Variants in PCDH9 observed in about 807,000 individuals in gnomAD.
PCDH9 encodes protocadherin-9.
Under a neutral mutation model 70.6 loss-of-function variants are expected in PCDH9, and 24 were observed. The ratio of observed to expected loss-of-function variants is 0.34; its 90% CI spans 0.25 to 0.48. PCDH9 has a LOEUF of 0.48. Ranked by LOEUF, PCDH9 falls within the 20% of genes least tolerant of loss-of-function variation. PCDH9 has a pLI of 0.99. For missense variants in PCDH9, 1,281 were observed against 1,503.6 expected (o/e 0.85, Z 2.45); for synonymous variants, 562 against 558.5 (o/e 1.01, Z -0.09).
Position 67,167,504 on chromosome 13 carries a change from C to A in PCDH9, c.3036+57901G>T, listed in dbSNP as rs979650256. Among the ~76,000 whole-genome samples the A allele has an allele frequency of 3.3e-5, 5 of 152,084 alleles. No homozygotes were observed. In the East Asian group the frequency reaches 7.7e-4, roughly 23 times the overall value. On this transcript the variant is annotated intron_variant, in intron 2 of 4. Transcript: ENST00000377865. ...AAAGTTTGATGAAGCCACTTTTCAT[C>A]AAACTTTTCCTTAACCATAGAAAAG...
intron 2 of PCDH9, among the ~76,000 whole-genome samples, chr13:67,087,849 T>C (rs1011683240): frequency 6.6e-6 from 1 of 152,132 alleles, no homozygotes; most frequent in Non-Finnish European, 1.5e-5. Context: ...GGATCATGCA[T>C]GAAATACAGC....
chr13:66,395,983 C>A (rs935531600), intron 4 of PCDH9, among the ~76,000 whole-genome samples: 4 of 152,250 alleles, frequency 2.6e-5, no homozygotes, highest in African/African-American at 9.6e-5. Flanking sequence ...AAAAGTATTT[C>A]TTTCCTCAAA....
chr13:66,750,102 C>A (rs754965420), intron 3 of PCDH9, among the ~76,000 whole-genome samples: 1 of 152,028 alleles, frequency 6.6e-6, no homozygotes, highest in East Asian at 1.9e-4. Context: ...TGTGCACACA[C>A]ACACACAATA....
In PCDH9 at chr13:67,211,826, C is replaced by T. The variant is rs1251439137; in HGVS notation, c.3036+13579G>A. 5 of 152,110 alleles carry T rather than the reference C, an allele frequency of 3.3e-5. No individual in the cohort carries two copies. In the East Asian group the frequency reaches 9.6e-4, roughly 29 times the overall value. The allele number at this position is 152,110 out of a possible 1,614,324, so 9.4% of individuals were successfully genotyped here. ...AGCCAATTAAACCAAACATTTATTCCAGCCAGAATTTAATATCTATGTTCC... is the reference window on the plus strand; with the variant it reads ...AGCCAATTAAACCAAACATTTATTCTAGCCAGAATTTAATATCTATGTTCC... On this transcript the variant is annotated intron_variant, in intron 2 of 4. Coordinates refer to ENST00000377865, the MANE Select transcript of PCDH9 (RefSeq NM_203487.3).
At chr13:66,345,376 T>A (rs955394647) in intron 4 of PCDH9, among the ~76,000 whole-genome samples, 4 of 152,108 alleles carry the variant, frequency 2.6e-5, no homozygotes, top group Non-Finnish European at 5.9e-5. Context: ...TGAGGTAATT[T>A]TTTTTTCCAG....
chr13:67,157,679 T>A (rs1397628010), intron 2 of PCDH9, among the ~76,000 whole-genome samples: 1 of 152,150 alleles, frequency 6.6e-6, no homozygotes, highest in Non-Finnish European at 1.5e-5. Flanking sequence ...ATGAAAAAAA[T>A]ACATGTGAGT....
chr13:66,987,404 T>A lies in PCDH9; in HGVS notation c.3037-83799A>T, dbSNP rs899142046. On this transcript the variant is annotated intron_variant, in intron 2 of 4. Transcript: ENST00000377865. The stretch of plus-strand genomic sequence containing the variant: ...CATTACATTACTGCTTAATAGCACA[T>A]GCTGTTGATACATTAATTGTGTTAT... Among the ~76,000 whole-genome samples the A allele has an allele frequency of 4.6e-5, 7 of 152,210 alleles. No individual in the cohort carries two copies. The East Asian group carries it at 1.3e-3, about 29-fold the overall frequency.
At chr13:66,549,812 G>T (rs547908205) in intron 4 of PCDH9, among the ~76,000 whole-genome samples, 1 of 152,022 alleles carries the variant, frequency 6.6e-6, no homozygotes, top group Non-Finnish European at 1.5e-5. Context: ...TTGAGTCCAG[G>T]AGTTCCAGCC....
At chr13:66,612,096 C>T (rs1032596652) in intron 4 of PCDH9, among the ~76,000 whole-genome samples, 1 of 152,186 alleles carries the variant, frequency 6.6e-6, no homozygotes, top group Non-Finnish European at 1.5e-5. Flanking sequence ...TCTCCCTCTC[C>T]TAACCTCATT....
intron 4 of PCDH9, among the ~76,000 whole-genome samples, chr13:66,351,432 C>T (rs1460132174): frequency 2.0e-5 from 3 of 151,986 alleles, no homozygotes; most frequent in Non-Finnish European, 2.9e-5. Flanking sequence ...TTGTATATTT[C>T]GAGTAAGTAA....
intron 3 of PCDH9, among the ~76,000 whole-genome samples, chr13:66,890,202 C>T (rs2082072750): frequency 6.6e-6 from 1 of 152,026 alleles, no homozygotes. Context: ...TTTTCTCTTC[C>T]TGCATAGCAT....
chr13:66,321,812 A>G (rs1200811181), intron 4 of PCDH9, among the ~76,000 whole-genome samples: 1 of 151,850 alleles, frequency 6.6e-6, no homozygotes, highest in Non-Finnish European at 1.5e-5. Flanking sequence ...AGGTTGCTTG[A>G]AGTTTCTTCT....
At chr13:66,801,720 T>TA (rs1013951573) in intron 3 of PCDH9, among the ~76,000 whole-genome samples, 1 of 152,054 alleles carries the variant, frequency 6.6e-6, no homozygotes, top group African/African-American at 2.4e-5. Context: ...TTTGGTTATT[T>TA]AAAAAATATT....
intron 2 of PCDH9, among the ~76,000 whole-genome samples, chr13:66,966,462 T>A (rs1490676316): frequency 6.6e-6 from 1 of 152,112 alleles, no homozygotes; most frequent in Non-Finnish European, 1.5e-5. Flanking sequence ...TCTGTAATGA[T>A]AGACCCTCAG....
At chr13:67,201,579 C>A (rs1359770377) in intron 2 of PCDH9, 2 of 151,902 alleles carry the variant, frequency 1.3e-5, no homozygotes, top group Admixed American at 1.3e-4. Flanking sequence ...CATATTTCAA[C>A]ATTATTTTGG....
chr13:67,087,069 G>A (rs1157213609), intron 2 of PCDH9, among the ~76,000 whole-genome samples: 1 of 122,934 alleles, frequency 8.1e-6, no homozygotes, highest in Non-Finnish European at 1.7e-5. Context: ...CCATCAAGAA[G>A]AGAGTTTTGA....
At chr13:67,024,145 T>C (rs2084733009) in intron 2 of PCDH9, among the ~76,000 whole-genome samples, 1 of 152,180 alleles carries the variant, frequency 6.6e-6, no homozygotes, top group Admixed American at 6.6e-5. Flanking sequence ...CTGATCTGGG[T>C]ATTTTACCTA....
chr13:67,077,033 T>C (rs754018315), intron 2 of PCDH9, among the ~76,000 whole-genome samples: 1 of 152,186 alleles, frequency 6.6e-6, no homozygotes, highest in Non-Finnish European at 1.5e-5. Flanking sequence ...TAAGGTTGCC[T>C]TGTTTCTGAA....
chr13:66,593,717 C>T (rs984694120), intron 4 of PCDH9, among the ~76,000 whole-genome samples: 1 of 151,732 alleles, frequency 6.6e-6, no homozygotes, highest in East Asian at 1.9e-4. Flanking sequence ...AGGGGAAAAT[C>T]TTTGCTTTTG....
Sources: allele counts gnomAD v4.1 joint callset (sites outside exome capture counted in the v4.1 genomes callset), GRCh38; gene constraint gnomAD v4.1.1; transcripts MANE v1.5; gene names NCBI Gene and HGNC (gene_info 2026-07-23, HGNC 2026-07-21).